KIN: variants seen among roughly 807,000 people sequenced by gnomAD.
KIN encodes DNA/RNA-binding protein KIN17.
In KIN, 47 loss-of-function variants were observed where a neutral mutation model predicts 63.0. The ratio of observed to expected loss-of-function variants is 0.75; its 90% CI spans 0.59 to 0.95. KIN has a LOEUF of 0.95. KIN is among the 40% of genes least tolerant of loss of function. The probability of loss-of-function intolerance (pLI) is 0.00; values close to 1 mark genes in which losing one functional copy is unlikely to be tolerated. For missense variants in KIN, 408 were observed against 460.9 expected (o/e 0.89, Z 1.05); for synonymous variants, 160 against 157.7 (o/e 1.01, Z -0.11).
At chr10:7,767,042 C>A (rs951705066) in intron 8 of KIN, among the ~76,000 whole-genome samples, 1 of 116,246 alleles carries the variant, frequency 8.6e-6, no homozygotes, top group African/African-American at 2.9e-5. Flanking sequence ...AAAAAAACCT[C>A]ATTTTAAATC....
Position 7,787,982 on chromosome 10 carries a change from G to A in KIN, c.-49C>T. 6.8e-7 allele frequency: 1 copy of A among 1,468,976 alleles called. No individual in the cohort carries two copies. The highest frequency in any genetic ancestry group is 9.5e-7 in the Non-Finnish European group (1 of 1,047,904). 91.0% of individuals were successfully genotyped at this position (1,468,976 alleles called of 1,614,324 possible). On this transcript the variant is annotated 5_prime_UTR_variant, in exon 1 of 13. Transcript: ENST00000379562. ...TCTGGACCCCAGTACTCAGCCAGCC[G>A]GAAACGGAACCGGGCTGGCGGCGGT...
chr10:7,785,007 T>G (rs897172594), intron 1 of KIN, among the ~76,000 whole-genome samples: 3 of 152,136 alleles, frequency 2.0e-5, no homozygotes, highest in African/African-American at 7.2e-5. Context: ...CCTAGCACTT[T>G]GGGAGGCCGA....
chr10:7,764,662 C>A (rs1488489510), intron 9 of KIN, among the ~76,000 whole-genome samples: 1 of 152,146 alleles, frequency 6.6e-6, no homozygotes, highest in African/African-American at 2.4e-5. Flanking sequence ...ATTCTGAAGT[C>A]TCTCTTTTAA....
At chr10:7,787,006 T>C (rs1226782060) in intron 1 of KIN, among the ~76,000 whole-genome samples, 1 of 152,130 alleles carries the variant, frequency 6.6e-6, no homozygotes, top group Non-Finnish European at 1.5e-5. Flanking sequence ...GAGAAAAATA[T>C]GATCACATCA....
Position 7,751,142 on chromosome 10 carries a change from T to C in KIN, c.*4938A>G, listed in dbSNP as rs1835239442. 1 of 152,214 alleles carries C rather than the reference T, an allele frequency of 6.6e-6. No individual in the cohort carries two copies. The highest frequency in any genetic ancestry group is 2.1e-4 in the South Asian group (1 of 4,836). The allele number at this position is 152,214 out of a possible 1,614,324, so 9.4% of individuals were successfully genotyped here. ...GTGCTAAGATGCAAGTCTGAACCAG[T>C]GTAATTCTGTGCTTTGCTGTGTTTA... On this transcript the variant is annotated 3_prime_UTR_variant, in exon 13 of 13. Transcript: ENST00000379562.
chr10:7,780,134 T>C lies in KIN; in HGVS notation c.298A>G (p.Ser100Gly), dbSNP rs1835867266. The C allele has an allele frequency of 2.5e-6, 4 of 1,612,852 alleles. No homozygotes were observed. Among genetic ancestry groups the C allele is most frequent in the Non-Finnish European group, 3.4e-6 (4 of 1,179,296 alleles). ...TTCATGTGGATGTGCTCTCGGTGGCTGATGTATTCGTTGTAGACAATGTTG... is the reference window on the plus strand; with the variant it reads ...TTCATGTGGATGTGCTCTCGGTGGCCGATGTATTCGTTGTAGACAATGTTG... Reference protein sequence around the residue: ...HNNIVYNEYISHREHIHMNAT... With the variant: ...HNNIVYNEYIGHREHIHMNAT... Residue 100 changes from serine to glycine, a missense_variant, in exon 4 of 13, where the codon AGC becomes GGC. Transcript: ENST00000379562.
chr10:7,785,386 C>T (rs1195840443), intron 1 of KIN, among the ~76,000 whole-genome samples: 11 of 152,046 alleles, frequency 7.2e-5, no homozygotes, highest in Admixed American at 5.9e-4. Context: ...ATATAATTTC[C>T]AGTTGACAGA....
chr10:7,766,138 A>G, intron 8 of KIN, 35 bp from the exon 9 acceptor site: 1 of 1,451,014 alleles, frequency 6.9e-7, no homozygotes, highest in Non-Finnish European at 9.6e-7. Flanking sequence ...TTATCTCCCT[A>G]AAATCCTCAT....
intron 11 of KIN, 121 bp from the exon 12 acceptor site, chr10:7,760,111 GA>G: frequency 3.9e-6 from 2 of 519,376 alleles, no homozygotes; most frequent in Non-Finnish European, 6.6e-6. Flanking sequence ...CTTTTTCTTA[GA>G]AGTTCTCAAT....
At chr10:7,757,160 G>A (rs1835346768) in intron 12 of KIN, among the ~76,000 whole-genome samples, 1 of 152,142 alleles carries the variant, frequency 6.6e-6, no homozygotes, top group Non-Finnish European at 1.5e-5. Flanking sequence ...ATGAGTGAGA[G>A]CTCAATAATT....
chr10:7,772,861 T>G (rs1402325649), intron 7 of KIN, among the ~76,000 whole-genome samples: 2 of 152,164 alleles, frequency 1.3e-5, no homozygotes, highest in African/African-American at 4.8e-5. Flanking sequence ...AAATGTCAGG[T>G]CCTTATCCCT....
At chr10:7,762,757 G>T (rs530783666) in intron 10 of KIN, among the ~76,000 whole-genome samples, 55 of 152,256 alleles carry the variant, frequency 3.6e-4, no homozygotes, top group African/African-American at 1.2e-3. Flanking sequence ...TCAAAGCTTA[G>T]TAAAGGTTTT....
chr10:7,784,621 T>C (rs1044504612), intron 1 of KIN, among the ~76,000 whole-genome samples: 4 of 151,970 alleles, frequency 2.6e-5, no homozygotes, highest in African/African-American at 7.3e-5. Context: ...GATAACCAAA[T>C]AGCCCTAGTT....
Position 7,756,085 on chromosome 10 carries a change from C to A in KIN, c.1177G>T (p.Ala393Ser). 6.3e-7 allele frequency: 1 copy of A among 1,580,984 alleles called. No homozygotes were observed. The highest frequency in any genetic ancestry group is 8.6e-7 in the Non-Finnish European group (1 of 1,161,720). ...GIQYEDISKL[A>S] ...TTGTTAACAAATTTTCAAACTCAGG[C>A]AAGTTTAGAAATGTCTTCATATTGA... Residue 393 changes from alanine (A) to serine (S), a missense_variant, in exon 13 of 13, where the codon GCC becomes TCC. This residue lies in a region of KIN where 298 missense variants were observed against 296.0 expected (regional missense o/e 1.01). Transcript: ENST00000379562.
At chr10:7,779,825 G>C (rs1247351513) in intron 4 of KIN, among the ~76,000 whole-genome samples, 1 of 152,162 alleles carries the variant, frequency 6.6e-6, no homozygotes, top group Non-Finnish European at 1.5e-5. Flanking sequence ...AGAGACAACT[G>C]TATTACCTTG....
chr10:7,758,366 A>G (rs1835373490), intron 12 of KIN, among the ~76,000 whole-genome samples: 1 of 152,176 alleles, frequency 6.6e-6, no homozygotes, highest in Non-Finnish European at 1.5e-5. Flanking sequence ...CACCATGCCA[A>G]GCTGGTAGAT....
chr10:7,766,763 C>T (rs768995727), intron 8 of KIN, among the ~76,000 whole-genome samples: 21 of 152,096 alleles, frequency 1.4e-4, no homozygotes, highest in Admixed American at 8.5e-4. Context: ...GTGGCTTATG[C>T]CTGTAATCCC....
At position 7,774,900 on chromosome 10, in the gene KIN, A is replaced by C. The variant is rs905162300; in HGVS notation, c.608-9T>G. 1.2e-6 allele frequency: 2 copies of C among 1,600,568 alleles called. No homozygotes were observed. Among genetic ancestry groups the C allele is most frequent in the Non-Finnish European group, 1.7e-6 (2 of 1,168,404 alleles). On this transcript the variant is annotated splice_polypyrimidine_tract_variant and intron_variant, in intron 6 of 12. Transcript: ENST00000379562. The stretch of plus-strand genomic sequence containing the variant: ...ACTCAAATTAAACGTGACTAGAAGA[A>C]AAAAATGTTATTCCATACATACATT...
intron 2 of KIN, among the ~76,000 whole-genome samples, chr10:7,781,012 C>T (rs1835884250): frequency 6.6e-6 from 1 of 152,190 alleles, no homozygotes; most frequent in Admixed American, 6.5e-5. Context: ...TCCCTCTGAG[C>T]TGGGTACACC....
Sources: allele counts gnomAD v4.1 joint callset (sites outside exome capture counted in the v4.1 genomes callset), GRCh38; gene constraint gnomAD v4.1.1; regional missense constraint gnomAD v4.1.1; transcripts MANE v1.5; gene names NCBI Gene and HGNC (gene_info 2026-07-23, HGNC 2026-07-21).